CSRNP3: variants seen among roughly 807,000 people sequenced by gnomAD.
The protein encoded by CSRNP3 is cysteine/serine-rich nuclear protein 3.
A neutral mutation model predicts 48.0 loss-of-function variants in CSRNP3; 12 were observed. That is an observed-to-expected ratio of 0.25 (90% CI 0.16 to 0.41). The LOEUF (loss-of-function observed/expected upper bound fraction) is 0.41, where lower values mean the gene tolerates loss of function less well. CSRNP3 is among the 10% of genes least tolerant of loss of function. The pLI is 1.00. For missense variants in CSRNP3, 580 were observed against 724.4 expected (o/e 0.80, Z 2.29); for synonymous variants, 263 against 269.7 (o/e 0.98, Z 0.24).
At chr2:165,638,746 T>C (rs1057068224) in intron 4 of CSRNP3, among the ~76,000 whole-genome samples, 1 of 152,244 alleles carries the variant, frequency 6.6e-6, no homozygotes, top group Admixed American at 6.5e-5. Context: ...CTTTCTTAAA[T>C]ATATTTTTAA....
intron 4 of CSRNP3, among the ~76,000 whole-genome samples, chr2:165,606,921 G>GAGT (rs796115606): frequency 1.7e-4 from 26 of 152,204 alleles, no homozygotes; most frequent in African/African-American, 6.3e-4. Context: ...TAGGGATGAA[G>GAGT]AGTAGAATGG....
intron 1 of CSRNP3, among the ~76,000 whole-genome samples, chr2:165,473,308 C>T (rs1360747052): frequency 6.6e-6 from 1 of 151,986 alleles, no homozygotes; most frequent in Admixed American, 6.6e-5. Flanking sequence ...TAATTACTTC[C>T]CCTATAATAT....
intron 3 of CSRNP3, among the ~76,000 whole-genome samples, chr2:165,590,906 G>T (rs1192543109): frequency 6.6e-6 from 1 of 152,294 alleles, no homozygotes; most frequent in South Asian, 2.1e-4. Context: ...TGGTACCACA[G>T]GGAGTGGGGT....
At chr2:165,479,451 A>C (rs1360932946) in intron 1 of CSRNP3, among the ~76,000 whole-genome samples, 1 of 152,208 alleles carries the variant, frequency 6.6e-6, no homozygotes, top group African/African-American at 2.4e-5. Context: ...CATATGCTTC[A>C]GTTTTTAAGC....
chr2:165,648,604 A>T (rs779845498), intron 4 of CSRNP3, among the ~76,000 whole-genome samples: 6 of 152,050 alleles, frequency 3.9e-5, no homozygotes, highest in Non-Finnish European at 8.8e-5. Context: ...AAAATATGGT[A>T]TGTCTTGCTT....
rs118075759 is a variant in CSRNP3, at chr2:165,541,416, C to T, written c.-24+23455C>T. On this transcript the variant is annotated intron_variant, in intron 3 of 6. Coordinates refer to ENST00000651982, the MANE Select transcript of CSRNP3 (RefSeq NM_001172173.2). Reference sequence around the variant, plus strand: ...ACTACAGAGGTCGTCCCATAGGACACAGATTGTCCTAAGGCCTCTCTCCTC... The same window carrying T: ...ACTACAGAGGTCGTCCCATAGGACATAGATTGTCCTAAGGCCTCTCTCCTC... Among the ~76,000 whole-genome samples the T allele has an allele frequency of 5.8e-4, 88 of 152,152 alleles. 8 individuals carry two copies. The East Asian group carries it at 0.017, about 29-fold the overall frequency.
chr2:165,623,011 C>T (rs1486307582), intron 4 of CSRNP3, among the ~76,000 whole-genome samples: 1 of 152,158 alleles, frequency 6.6e-6, no homozygotes, highest in Non-Finnish European at 1.5e-5. Flanking sequence ...ATGCAGTAGG[C>T]TCCCTGTATC....
At chr2:165,595,464 A>G (rs538152638) in intron 4 of CSRNP3, among the ~76,000 whole-genome samples, 1 of 152,330 alleles carries the variant, frequency 6.6e-6, no homozygotes, top group South Asian at 2.1e-4. Context: ...TACATTATTA[A>G]TACTTTCCCA....
intron 3 of CSRNP3, among the ~76,000 whole-genome samples, chr2:165,527,199 C>CTT (rs535826285): frequency 0.02 from 1,714 of 87,226 alleles, 32 homozygotes; most frequent in African/African-American, 0.036. Flanking sequence ...GCTGTTTGTA[C>CTT]TTTTTTTTTT....
intron 3 of CSRNP3, among the ~76,000 whole-genome samples, chr2:165,580,098 T>G (rs1374552876): frequency 6.6e-6 from 1 of 151,900 alleles, no homozygotes; most frequent in East Asian, 1.9e-4. Context: ...CTGGCTAATT[T>G]TTTGTATTTT....
chr2:165,639,728 A>T (rs1210765802), intron 4 of CSRNP3, among the ~76,000 whole-genome samples: 1 of 152,038 alleles, frequency 6.6e-6, no homozygotes, highest in Admixed American at 6.6e-5. Flanking sequence ...TGGATGTGAG[A>T]CTCATTTTCC....
intron 3 of CSRNP3, among the ~76,000 whole-genome samples, chr2:165,530,846 C>G (rs553015104): frequency 4.0e-4 from 61 of 152,026 alleles, no homozygotes; most frequent in African/African-American, 1.4e-3. Context: ...ATTTTTATAT[C>G]ACTCGTGATT....
chr2:165,478,738 C>T (rs889087158), intron 1 of CSRNP3, among the ~76,000 whole-genome samples: 4 of 152,166 alleles, frequency 2.6e-5, no homozygotes, highest in African/African-American at 7.2e-5. Flanking sequence ...GCACAGTCTA[C>T]GGAGTCAGGC....
chr2:165,503,051 A>G (rs918597000), intron 2 of CSRNP3, among the ~76,000 whole-genome samples: 6 of 151,916 alleles, frequency 3.9e-5, no homozygotes, highest in Non-Finnish European at 8.8e-5. Flanking sequence ...ATGCATATAC[A>G]ATATCTTTCC....
intron 2 of CSRNP3, among the ~76,000 whole-genome samples, chr2:165,511,038 C>A (rs1283826996): frequency 6.6e-6 from 1 of 152,066 alleles, no homozygotes; most frequent in Admixed American, 6.6e-5. Context: ...GTGTGGTATC[C>A]TAGAAGCCAA....
At chr2:165,577,488 A>G (rs1685471627) in intron 3 of CSRNP3, among the ~76,000 whole-genome samples, 1 of 151,892 alleles carries the variant, frequency 6.6e-6, no homozygotes, top group African/African-American at 2.4e-5. Flanking sequence ...GTTCTTAAAA[A>G]TGCCAATAGC....
chr2:165,538,465 G>A (rs1684910728), intron 3 of CSRNP3, among the ~76,000 whole-genome samples: 1 of 151,792 alleles, frequency 6.6e-6, no homozygotes, highest in African/African-American at 2.4e-5. Context: ...CTAGCTAGGT[G>A]CGTATTCTAT....
chr2:165,592,011 A>G (rs1339964964), intron 3 of CSRNP3, among the ~76,000 whole-genome samples: 3 of 152,346 alleles, frequency 2.0e-5, no homozygotes, highest in East Asian at 3.9e-4. Context: ...TGGAAAAGCC[A>G]CAAACACTCA....
intron 4 of CSRNP3, among the ~76,000 whole-genome samples, chr2:165,638,892 A>G (rs151226965): frequency 6.1e-4 from 93 of 152,334 alleles, no homozygotes; most frequent in African/African-American, 2.0e-3. Flanking sequence ...GGTTTCAGGG[A>G]AGACTGACTT....
Sources: gnomAD v4.1 joint callset for allele counts (sites outside exome capture counted in the v4.1 genomes callset) on GRCh38, gnomAD v4.1.1 for gene constraint, MANE v1.5 for transcripts, NCBI Gene and HGNC (gene_info 2026-07-23, HGNC 2026-07-21) for gene names.